Variants in SLC35B2 observed in about 807,000 individuals in gnomAD.
The protein encoded by SLC35B2 is solute carrier family 35 member B2, also known as adenosine 3'-phospho 5'-phosphosulfate transporter 1.
SLC35B2 carries 19 observed loss-of-function variants against 37.9 expected under a neutral mutation model. The ratio of observed to expected loss-of-function variants is 0.50; its 90% CI spans 0.35 to 0.74. The LOEUF (loss-of-function observed/expected upper bound fraction) is 0.74, where lower values mean the gene tolerates loss of function less well. Among genes scored for constraint, SLC35B2 ranks in the 30% least tolerant of loss-of-function variants. SLC35B2 has a pLI of 0.01. For missense variants in SLC35B2, 633 were observed against 547.6 expected (o/e 1.16, Z -1.56); for synonymous variants, 277 against 225.2 (o/e 1.23, Z -2.06).
rs1423838960 is a variant in SLC35B2, at chr6:44,255,327, C to T, written c.678G>A (p.Met226Ile). 2 of 1,614,240 alleles carry T rather than the reference C, an allele frequency of 1.2e-6. No individual in the cohort carries two copies. The highest frequency in any genetic ancestry group is 1.7e-5 in the Admixed American group (1 of 60,032). Residue 226 changes from methionine (M) to isoleucine (I), a missense_variant, in exon 4 of 4, where the codon ATG becomes ATA. Transcript: ENST00000393812. ...AGCTGCGCCGAGACACAAGCTTTCC[C>T]ATCAGCATGACAGGGATCACCTTAG... ...KASKVIPVML[M>I]GKLVSRRSYE...
In SLC35B2 at chr6:44,255,063, T is replaced by C. The variant is rs1334691843; in HGVS notation, c.942A>G (p.Thr314=). The change falls in exon 4 of 4, where the codon ACA becomes ACG. Residue 314 remains threonine, a synonymous_variant. Coordinates refer to ENST00000393812, the MANE Select transcript of SLC35B2 (RefSeq NM_178148.4). ...FGVNFFSCLF[T]VGSLLEQGAL... ...CCCCCTGTTCTAGCAGTGAGCCCAC[T>C]GTGAAGAGGCAGGAGAAGAAATTGA... The C allele has an allele frequency of 1.9e-6, 3 of 1,614,204 alleles. No homozygotes were observed. The highest frequency in any genetic ancestry group is 2.5e-6 in the Non-Finnish European group (3 of 1,180,046).
At chr6:44,257,268 G>A (rs977936012) in intron 1 of SLC35B2, 132 bp downstream of exon 1, 27 of 1,063,340 alleles carry the variant, frequency 2.5e-5, no homozygotes, top group South Asian at 2.8e-5. Context: ...TCCCATCCCC[G>A]CTGGCTCCGG....
rs1201559088 is a variant in SLC35B2 at position 44,255,365 on chromosome 6, G to C, written c.640C>G (p.Leu214Val). 6.2e-7 allele frequency: 1 copy of C among 1,614,260 alleles called. No individual in the cohort carries two copies. The highest frequency in any genetic ancestry group is 1.7e-5 in the Admixed American group (1 of 60,036). The change falls in exon 4 of 4, where the codon CTG becomes GTG. Residue 214 changes from leucine (L) to valine (V), a missense_variant. Coordinates refer to ENST00000393812, the MANE Select transcript of SLC35B2 (RefSeq NM_178148.4). ...LKFVSFPTQV[L>V]AKASKVIPVM... ...GGGATCACCTTAGAGGCCTTGGCCA[G>C]CACCTGGGTGGGGAAGCTGACGAAC...
rs1370917277 is a variant in SLC35B2 at position 44,255,330 on chromosome 6, C to CA, written c.674dup (p.Met226AspfsTer57). ...TGCGCCGAGACACAAGCTTTCCCAT[C>CA]AGCATGACAGGGATCACCTTAGAGG... On this transcript the variant is annotated frameshift_variant, in exon 4 of 4. Transcript: ENST00000393812. LOFTEE classifies it high-confidence loss of function. The CA allele has an allele frequency of 6.2e-7, 1 of 1,614,258 alleles. No individual in the cohort carries two copies.
At chr6:44,257,340 G>T in intron 1 of SLC35B2, 60 bp downstream of exon 1, 1 of 1,322,736 alleles carries the variant, frequency 7.6e-7, no homozygotes. Flanking sequence ...GTGCTGAGGC[G>T]CGGCAGTCAC....
In SLC35B2 at chr6:44,255,557, T is replaced by C. The variant is rs780244309; in HGVS notation, c.448A>G (p.Thr150Ala). 9.3e-6 allele frequency: 15 copies of C among 1,614,054 alleles called. No homozygotes were observed. Residue 150 changes from threonine to alanine, a missense_variant, in exon 4 of 4, where the codon ACG becomes GCG. Coordinates refer to ENST00000393812, the MANE Select transcript of SLC35B2 (RefSeq NM_178148.4). ...ATTAGCACCAGGAACTGCGAGTCCG[T>C]AAAGCGCTCACCCGGTGATGTGGCT... ...ATATSPGERF[T>A]DSQFLVLMNR... is the part of the protein sequence containing the mutation.
At position 44,255,319 on chromosome 6, in the gene SLC35B2, A is replaced by G. The variant is rs1357745152; in HGVS notation, c.686T>C (p.Leu229Pro). The G allele has an allele frequency of 6.2e-7, 1 of 1,614,260 alleles. No individual in the cohort carries two copies. The highest frequency in any genetic ancestry group is 1.3e-5 in the African/African-American group (1 of 75,064). ...GTGTTCGTAGCTGCGCCGAGACACAAGCTTTCCCATCAGCATGACAGGGAT... is the reference window on the plus strand; with the variant it reads ...GTGTTCGTAGCTGCGCCGAGACACAGGCTTTCCCATCAGCATGACAGGGAT... Reference protein sequence around the residue: ...KVIPVMLMGKLVSRRSYEHWE... With the variant: ...KVIPVMLMGKPVSRRSYEHWE... The change falls in exon 4 of 4, where the codon CTT (leucine) becomes CCT (proline). Residue 229 changes from leucine (L) to proline (P), a missense_variant. Coordinates refer to ENST00000393812, the MANE Select transcript of SLC35B2 (RefSeq NM_178148.4).
chr6:44,255,441 A>G lies in SLC35B2; in HGVS notation c.564T>C (p.Phe188=). The part of the protein sequence containing the change: ...RHGAPMYRYS[F]ASLSNVLSSW... ...TGCTAAGCACATTGGACAGGCTGGC[A>G]AAGGAGTACCGGTACATGGGTGCCC... Residue 188 remains phenylalanine (F), a synonymous_variant, in exon 4 of 4, where the codon TTT becomes TTC. Transcript: ENST00000393812. 6.2e-7 allele frequency: 1 copy of G among 1,614,262 alleles called. No individual in the cohort carries two copies. The highest frequency in any genetic ancestry group is 8.5e-7 in the Non-Finnish European group (1 of 1,180,050).
At chr6:44,255,951 C>CT (rs1428441879) in intron 3 of SLC35B2, among the ~76,000 whole-genome samples, 2 of 149,342 alleles carry the variant, frequency 1.3e-5, no homozygotes, top group East Asian at 3.9e-4. Flanking sequence ...TGTTAGCACT[C>CT]TCTCACATGC....
At chr6:44,255,733 C>T (rs1182588394) in intron 3 of SLC35B2, 89 bp from the exon 4 acceptor site, 11 of 1,254,662 alleles carry the variant, frequency 8.8e-6, no homozygotes, top group Non-Finnish European at 1.1e-5. Flanking sequence ...AGGATTATGC[C>T]TAAGTGATTC....
chr6:44,255,826 C>G (rs1423267690), intron 3 of SLC35B2, among the ~76,000 whole-genome samples, 182 bp from the exon 4 acceptor site: 2 of 152,148 alleles, frequency 1.3e-5, no homozygotes, highest in African/African-American at 4.8e-5. Context: ...AGGGAATCAA[C>G]TGTGTGTGAA....
Position 44,254,908 on chromosome 6 carries a change from A to G in SLC35B2, c.1097T>C (p.Val366Ala), listed in dbSNP as rs1781219408. Reference protein sequence around the residue: ...FYTIGQFGAAVFTIIMTLRQA... With the variant: ...FYTIGQFGAAAFTIIMTLRQA... Reference sequence around the variant, plus strand: ...GCGGAGGGTCATGATGATGGTGAAGACGGCAGCCCCAAACTGCCCAATGGT... The same window carrying G: ...GCGGAGGGTCATGATGATGGTGAAGGCGGCAGCCCCAAACTGCCCAATGGT... Residue 366 changes from valine to alanine, a missense_variant, in exon 4 of 4, where the codon GTC (valine) becomes GCC (alanine). Coordinates refer to ENST00000393812, the MANE Select transcript of SLC35B2 (RefSeq NM_178148.4). 1 of 1,614,206 alleles carries G rather than the reference A, an allele frequency of 6.2e-7. No homozygotes were observed. Among genetic ancestry groups the G allele is most frequent in the South Asian group, 1.1e-5 (1 of 91,074 alleles).
chr6:44,254,930 T>G lies in SLC35B2; in HGVS notation c.1075A>C (p.Ile359Leu), dbSNP rs1221012724. The G allele has an allele frequency of 4.3e-6, 7 of 1,614,032 alleles. No individual in the cohort carries two copies. In the East Asian group the frequency reaches 1.6e-4, roughly 36 times the overall value. Residue 359 changes from isoleucine (I) to leucine (L), a missense_variant, in exon 4 of 4, where the codon ATT (isoleucine) becomes CTT (leucine). Coordinates refer to ENST00000393812, the MANE Select transcript of SLC35B2 (RefSeq NM_178148.4). ...ACGQLFIFYT[I>L]GQFGAAVFTI... ...AAGACGGCAGCCCCAAACTGCCCAA[T>G]GGTGTAAAAGATGAAGAGCTGGCCA...
Position 44,255,464 on chromosome 6 carries a change from CCCCA to C in SLC35B2, c.537_540del (p.His179GlnfsTer41). 1 of 1,614,210 alleles carries C rather than the reference CCCCA, an allele frequency of 6.2e-7. No homozygotes were observed. Among genetic ancestry groups the C allele is most frequent in the Non-Finnish European group, 8.5e-7 (1 of 1,180,040 alleles). On this transcript the variant is annotated frameshift_variant, in exon 4 of 4. Transcript: ENST00000393812. LOFTEE classifies it high-confidence loss of function. ...GCAAAGGAGTACCGGTACATGGGTG[CCCCA>C]TGCCGGGGCTGCTTGCAGAGAACAC...
At chr6:44,257,551 C>G (rs1781707187), upstream of SLC35B2, 2 of 769,304 alleles carry the variant, frequency 2.6e-6, no homozygotes, top group Non-Finnish European at 3.4e-6. Context: ...CCGCCTCCCT[C>G]CCCGCGGCCC....
intron 3 of SLC35B2, 53 bp from the exon 4 acceptor site, chr6:44,255,697 A>T (rs957424230): frequency 1.3e-6 from 2 of 1,521,394 alleles, no homozygotes; most frequent in Admixed American, 2.0e-5. Flanking sequence ...ATGAAAAGGT[A>T]GACAAAAATT....
rs182428561 is a variant in SLC35B2 at position 44,255,360 on chromosome 6, G to C, written c.645C>G (p.Ala215=). 1 of 1,614,128 alleles carries C rather than the reference G, an allele frequency of 6.2e-7. No homozygotes were observed. The highest frequency in any genetic ancestry group is 1.7e-5 in the Admixed American group (1 of 60,012). Residue 215 remains alanine, a synonymous_variant, in exon 4 of 4, where the codon GCC becomes GCG. Transcript: ENST00000393812. ...KFVSFPTQVL[A]KASKVIPVML... ...TGACAGGGATCACCTTAGAGGCCTTGGCCAGCACCTGGGTGGGGAAGCTGA... is the reference window on the plus strand; with the variant it reads ...TGACAGGGATCACCTTAGAGGCCTTCGCCAGCACCTGGGTGGGGAAGCTGA...
chr6:44,257,402 G>A lies in SLC35B2; in HGVS notation c.9C>T (p.Ala3=). MD[A]RWWAVVVLAA... is the part of the protein sequence containing the mutation. ...CTCGCTGCTGCCCTAGCCCCCACCT[G>A]GCGTCCATGGTCCAGGCCGCGTGGG... Residue 3 remains alanine (A), a splice_region_variant and synonymous_variant, in exon 1 of 4, where the codon GCC becomes GCT. Transcript: ENST00000393812. 1.6e-6 allele frequency: 2 copies of A among 1,275,998 alleles called. No individual in the cohort carries two copies. Among genetic ancestry groups the A allele is most frequent in the Non-Finnish European group, 2.0e-6 (2 of 1,003,808 alleles). The allele number at this position is 1,275,998 out of a possible 1,614,324, so 79.0% of individuals were successfully genotyped here. A position where few individuals can be genotyped will look rare whatever the true frequency, so the allele number is the denominator to read the frequency against.
chr6:44,256,626 T>C, intron 2 of SLC35B2, 59 bp downstream of exon 2: 1 of 1,611,060 alleles, frequency 6.2e-7, no homozygotes, highest in African/African-American at 1.3e-5. Context: ...CCGTTTGGAC[T>C]GCTGGCCAAA....
Sources: gnomAD v4.1 joint callset for allele counts (sites outside exome capture counted in the v4.1 genomes callset) on GRCh38, gnomAD v4.1.1 for gene constraint, MANE v1.5 for transcripts, NCBI Gene and HGNC (gene_info 2026-07-23, HGNC 2026-07-21) for gene names.